Variants in RERG observed in about 807,000 individuals in gnomAD.
RERG encodes ras-related and estrogen-regulated growth inhibitor.
Under a neutral mutation model 23.2 loss-of-function variants are expected in RERG, and 25 were observed. The ratio of observed to expected loss-of-function variants is 1.08; its 90% confidence interval spans 0.79 to 1.50. The LOEUF (loss-of-function observed/expected upper bound fraction) is 1.50, where lower values mean the gene tolerates loss of function less well. Ranked by LOEUF, RERG falls within the 40% of genes most tolerant of loss-of-function variation. The pLI is 0.00. For synonymous variants in RERG, 81 were observed against 89.1 expected (o/e 0.91, Z 0.51); for missense variants, 253 against 250.1 (o/e 1.01, Z -0.08).
At chr12:15,188,368 G>A (rs1865022782) in intron 2 of RERG, among the ~76,000 whole-genome samples, 1 of 152,192 alleles carries the variant, frequency 6.6e-6, no homozygotes, top group South Asian at 2.1e-4. Context: ...GAAGGTCACA[G>A]TGTCTCTACA....
At chr12:15,220,191 A>T (rs1349457824) in intron 1 of RERG, among the ~76,000 whole-genome samples, 1 of 152,244 alleles carries the variant, frequency 6.6e-6, no homozygotes, top group Non-Finnish European at 1.5e-5. Context: ...GATCTAAGAA[A>T]ATCCATTTGT....
In RERG at chr12:15,131,145, C is replaced by T. The variant is rs147066675; in HGVS notation, c.62-10026G>A. 3.8e-3 allele frequency among the ~76,000 whole-genome samples: 575 copies of T among 151,956 alleles called. 3 individuals are homozygous for T. The highest frequency in any genetic ancestry group is 0.013 in the African/African-American group (531 of 41,422). ...TGTATAACTAAATGACACTATTTTG[C>T]TGAAGAATTTAAATTGAAAGTAAAA... On this transcript the variant is annotated intron_variant, in intron 2 of 4. Transcript: ENST00000256953.
At chr12:15,153,820 TG>T (rs1864480652) in intron 2 of RERG, among the ~76,000 whole-genome samples, 1 of 152,150 alleles carries the variant, frequency 6.6e-6, no homozygotes, top group Non-Finnish European at 1.5e-5. Context: ...TTAGTATCTG[TG>T]AATGTGACCT....
intron 2 of RERG, among the ~76,000 whole-genome samples, chr12:15,214,988 T>C (rs546556456): frequency 3.1e-4 from 47 of 152,332 alleles, no homozygotes; most frequent in African/African-American, 1.1e-3. Context: ...AGAAAAATAA[T>C]TTAATGTTGA....
At chr12:15,161,142 G>T (rs1591653026) in intron 2 of RERG, among the ~76,000 whole-genome samples, 1 of 49,234 alleles carries the variant, frequency 2.0e-5, no homozygotes, top group African/African-American at 9.5e-5. Context: ...CTCAGAAAAA[G>T]AAAGAAAGAA....
rs185961888 is a variant in RERG, at chr12:15,124,472, A to T, written c.62-3353T>A. Among the ~76,000 whole-genome samples, 200 of 152,244 alleles carry T rather than the reference A, an allele frequency of 1.3e-3. 1 individual carries two copies. The highest frequency in any genetic ancestry group is 2.4e-3 in the Non-Finnish European group (160 of 67,942). ...GTCATATTCAAGAGAGATTCAGGCA[A>T]AACTTTCAAATGCTACCTTTCAGTA... On this transcript the variant is annotated intron_variant, in intron 2 of 4. Coordinates refer to ENST00000256953, the MANE Select transcript of RERG (RefSeq NM_032918.3).
intron 2 of RERG, chr12:15,151,944 G>A (rs1864449961): frequency 6.6e-6 from 1 of 152,162 alleles, no homozygotes; most frequent in Non-Finnish European, 1.5e-5. Flanking sequence ...CGTTCCATGT[G>A]CTAAGTACTG....
chr12:15,166,830 T>A (rs943362558), intron 2 of RERG, among the ~76,000 whole-genome samples: 11 of 152,030 alleles, frequency 7.2e-5, no homozygotes, highest in Admixed American at 6.5e-5. Flanking sequence ...TCTTGTATCA[T>A]GTCTGACACA....
intron 2 of RERG, among the ~76,000 whole-genome samples, chr12:15,171,079 GC>G (rs1864771611): frequency 6.6e-6 from 1 of 152,158 alleles, no homozygotes; most frequent in African/African-American, 2.4e-5. Flanking sequence ...TCTCTGTCTG[GC>G]TTAGAAGGAT....
chr12:15,111,959 A>G (rs1863626949), intron 3 of RERG, among the ~76,000 whole-genome samples: 1 of 152,152 alleles, frequency 6.6e-6, no homozygotes, highest in Non-Finnish European at 1.5e-5. Context: ...TACAGGCCTC[A>G]GCCACCGTGC....
intron 2 of RERG, among the ~76,000 whole-genome samples, chr12:15,129,507 T>C (rs914947004): frequency 6.6e-6 from 1 of 152,234 alleles, no homozygotes; most frequent in Non-Finnish European, 1.5e-5. Context: ...TAAATATTTA[T>C]TGACCACTGT....
intron 2 of RERG, among the ~76,000 whole-genome samples, chr12:15,203,048 T>C (rs1865238829): frequency 6.6e-6 from 1 of 151,786 alleles, no homozygotes; most frequent in African/African-American, 2.4e-5. Context: ...TTGATTTGCA[T>C]TGCCCTGATG....
intron 2 of RERG, among the ~76,000 whole-genome samples, chr12:15,190,854 C>T (rs991894180): frequency 1.3e-5 from 2 of 152,082 alleles, no homozygotes; most frequent in South Asian, 2.1e-4. Flanking sequence ...TCTTGCCAGG[C>T]GACATTCAAG....
intron 2 of RERG, among the ~76,000 whole-genome samples, chr12:15,171,171 T>A (rs561610110): frequency 2.0e-5 from 3 of 152,340 alleles, no homozygotes; most frequent in Non-Finnish European, 4.4e-5. Flanking sequence ...CTTAGGAGGC[T>A]ATAATCAAAG....
chr12:15,205,368 TG>T (rs1320832355), intron 2 of RERG, among the ~76,000 whole-genome samples: 1 of 151,974 alleles, frequency 6.6e-6, no homozygotes, highest in Non-Finnish European at 1.5e-5. Context: ...TAAGAAATCG[TG>T]GGTTAAATTT....
chr12:15,209,122 G>A (rs891247955), intron 2 of RERG, among the ~76,000 whole-genome samples: 1 of 152,198 alleles, frequency 6.6e-6, no homozygotes, highest in African/African-American at 2.4e-5. Context: ...CTGGCCTTCA[G>A]TAGCGGACAG....
intron 2 of RERG, among the ~76,000 whole-genome samples, chr12:15,180,614 AG>A (rs1398425773): frequency 6.6e-6 from 1 of 152,216 alleles, no homozygotes; most frequent in Non-Finnish European, 1.5e-5. Context: ...CTGGAGGCAC[AG>A]ACTTTGAGAT....
chr12:15,174,933 T>G (rs1864826862), intron 2 of RERG, among the ~76,000 whole-genome samples: 1 of 152,194 alleles, frequency 6.6e-6, no homozygotes, highest in Admixed American at 6.5e-5. Flanking sequence ...ATTTAAAATC[T>G]TTGTCTAATA....
intron 2 of RERG, among the ~76,000 whole-genome samples, chr12:15,162,769 C>T (rs933828859): frequency 5.3e-5 from 8 of 152,156 alleles, no homozygotes; most frequent in African/African-American, 1.9e-4. Context: ...TGACCTAGTC[C>T]AATTCCCTTA....
Sources: allele counts gnomAD v4.1 joint callset (sites outside exome capture counted in the v4.1 genomes callset), GRCh38; gene constraint gnomAD v4.1.1; transcripts MANE v1.5; gene names NCBI Gene and HGNC (gene_info 2026-07-23, HGNC 2026-07-21).